Variants in FBLN2 observed in about 807,000 individuals in gnomAD.
FBLN2 encodes the protein fibulin-2.
A neutral mutation model predicts 123.7 loss-of-function variants in FBLN2; 81 were observed. The observed-to-expected ratio is 0.65, with a 90% CI of 0.55 to 0.79. The LOEUF is 0.79. Ranked by LOEUF, FBLN2 falls within the 30% of genes least tolerant of loss-of-function variation. FBLN2 has a pLI of 0.00. For missense variants in FBLN2, 1,603 were observed against 1,681.3 expected (o/e 0.95, Z 0.81); for synonymous variants, 699 against 701.4 (o/e 1.00, Z 0.05).
chr3:13,618,516 A>T (rs1207500626), intron 6 of FBLN2, among the ~76,000 whole-genome samples: 2 of 152,218 alleles, frequency 1.3e-5, no homozygotes, highest in East Asian at 3.9e-4. Context: ...CTTGTCCCAT[A>T]TTCGAGCGCA....
At chr3:13,581,187 C>T (rs1704311855) in intron 2 of FBLN2, among the ~76,000 whole-genome samples, 1 of 140,036 alleles carries the variant, frequency 7.1e-6, no homozygotes, top group African/African-American at 2.7e-5. Context: ...GGGGGCCACA[C>T]ACACGCGGGG....
intron 16 of FBLN2, among the ~76,000 whole-genome samples, chr3:13,633,644 G>C (rs1423754276): frequency 6.6e-6 from 1 of 152,230 alleles, no homozygotes; most frequent in East Asian, 1.9e-4. Flanking sequence ...AACAGGGTGG[G>C]GGGAGGCTGG....
In FBLN2 at chr3:13,637,621, T is replaced by C. The variant is rs527581681; in HGVS notation, c.3398T>C (p.Ile1133Thr). Residue 1133 changes from isoleucine to threonine, a missense_variant, in exon 18 of 18, where the codon ATC becomes ACC. Physicochemically the swap from Ile to Thr is moderately conservative, Grantham distance 89. Transcript: ENST00000404922. The part of the protein sequence containing the change: ...FLECQNSPAR[I>T]THYQLNFQTG... Reference sequence around the variant, plus strand: ...GAGTGCCAGAACTCGCCAGCGCGCATCACGCACTACCAGCTCAACTTCCAG... The same window carrying C: ...GAGTGCCAGAACTCGCCAGCGCGCACCACGCACTACCAGCTCAACTTCCAG... 63 of 1,613,914 alleles carry C rather than the reference T, an allele frequency of 3.9e-5. 3 individuals carry two copies. In the South Asian group the frequency reaches 6.8e-4, roughly 17 times the overall value.
At chr3:13,613,475 C>T (rs1705470339) in intron 4 of FBLN2, among the ~76,000 whole-genome samples, 1 of 152,212 alleles carries the variant, frequency 6.6e-6, no homozygotes, top group Non-Finnish European at 1.5e-5. Context: ...TTATCTTTAA[C>T]TTGTAGCTTC....
At chr3:13,611,302 C>T (rs567384936) in intron 4 of FBLN2, among the ~76,000 whole-genome samples, 3 of 152,254 alleles carry the variant, frequency 2.0e-5, no homozygotes, top group African/African-American at 7.2e-5. Flanking sequence ...TCGTCTGAAC[C>T]ATTTGTAAGC....
intron 2 of FBLN2, 77 bp downstream of exon 2, chr3:13,571,738 C>G: frequency 7.0e-7 from 1 of 1,428,548 alleles, no homozygotes; most frequent in Non-Finnish European, 9.3e-7. Flanking sequence ...TGCCCCAGGT[C>G]TCTGCCTGGG....
chr3:13,574,269 C>A lies in FBLN2; in HGVS notation c.1306+2608C>A, dbSNP rs560957149. ...GGGGCCCCTTTCCTGCCATGCATTCCTGGGGCCACAGGCTGTGCTGAGAGG... is the reference window on the plus strand; with the variant it reads ...GGGGCCCCTTTCCTGCCATGCATTCATGGGGCCACAGGCTGTGCTGAGAGG... On this transcript the variant is annotated intron_variant, in intron 2 of 17. Transcript: ENST00000404922. Among the ~76,000 whole-genome samples the A allele has an allele frequency of 2.6e-5, 4 of 152,350 alleles. No homozygotes were observed. The East Asian group carries it at 7.7e-4, about 29-fold the overall frequency.
At chr3:13,566,871 G>A (rs1422719478) in intron 1 of FBLN2, among the ~76,000 whole-genome samples, 1 of 152,218 alleles carries the variant, frequency 6.6e-6, no homozygotes, top group Non-Finnish European at 1.5e-5. Context: ...GCACTTATGG[G>A]CCAGATAATG....
intron 2 of FBLN2, among the ~76,000 whole-genome samples, chr3:13,593,398 A>T (rs944586779): frequency 3.4e-4 from 52 of 152,316 alleles, no homozygotes; most frequent in African/African-American, 1.2e-3. Flanking sequence ...CAATCTCAGT[A>T]CAGTCACTTT....
At chr3:13,603,458 A>G (rs1349053391) in intron 2 of FBLN2, among the ~76,000 whole-genome samples, 9 of 138,022 alleles carry the variant, frequency 6.5e-5, no homozygotes, top group Admixed American at 1.7e-4. Flanking sequence ...TCATTGTTCA[A>G]TTCCCACCTA....
intron 5 of FBLN2, among the ~76,000 whole-genome samples, chr3:13,614,681 C>G (rs1005708031): frequency 7.2e-6 from 1 of 139,618 alleles, no homozygotes; most frequent in African/African-American, 2.7e-5. Flanking sequence ...CACCTACCCA[C>G]CCATCCACCC....
intron 2 of FBLN2, among the ~76,000 whole-genome samples, chr3:13,598,191 G>A (rs916437513): frequency 1.3e-5 from 2 of 152,234 alleles, no homozygotes; most frequent in Non-Finnish European, 2.9e-5. Flanking sequence ...AATTAACTTG[G>A]AAAGTAGTCA....
chr3:13,549,142 G>C lies in FBLN2; in HGVS notation c.-108G>C. ...CCCCGCGCGCACACAGCCAGGGGCC[G>C]CCCGGGCTCTCGACGCGCCGACGGC... On this transcript the variant is annotated 5_prime_UTR_variant, in exon 1 of 18. Coordinates refer to ENST00000404922, the MANE Select transcript of FBLN2 (RefSeq NM_001004019.2). 1 of 982,604 alleles carries C rather than the reference G, an allele frequency of 1.0e-6. No individual in the cohort carries two copies. The highest frequency in any genetic ancestry group is 1.8e-5 in the African/African-American group (1 of 56,908). 60.9% of individuals were successfully genotyped at this position (982,604 alleles called of 1,614,324 possible). A position where few individuals can be genotyped will look rare whatever the true frequency, so the allele number is the denominator to read the frequency against.
At chr3:13,619,598 C>G in intron 7 of FBLN2, 132 bp from the exon 8 acceptor site, 1 of 707,858 alleles carries the variant, frequency 1.4e-6, no homozygotes, top group Non-Finnish European at 2.4e-6. Flanking sequence ...TTCCTTGTCT[C>G]CCAGCATCCC....
At chr3:13,636,250 ATT>A in intron 16 of FBLN2, among the ~76,000 whole-genome samples, 193 bp from the exon 17 acceptor site, 1 of 152,310 alleles carries the variant, frequency 6.6e-6, no homozygotes, top group South Asian at 2.1e-4. Context: ...ACATGAGGTG[ATT>A]GACACTTTAG....
At position 13,571,050 on chromosome 3, in the gene FBLN2, T is replaced by C. The variant is rs1198968953; in HGVS notation, c.695T>C (p.Leu232Pro). 6.4e-7 allele frequency: 1 copy of C among 1,561,906 alleles called. No individual in the cohort carries two copies. The highest frequency in any genetic ancestry group is 2.4e-5 in the East Asian group (1 of 41,694). ...GGCGCAGGGGGCCCCCCAGCTGCTC[T>C]GGGAGGTGGGAGTCAGCCACTGTCC... Reference protein sequence around the residue: ...QAGAGGPPAALGGGSQPLSTI... With the variant: ...QAGAGGPPAAPGGGSQPLSTI... The change falls in exon 2 of 18, where the codon CTG becomes CCG. Residue 232 changes from leucine (L) to proline (P), a missense_variant. Transcript: ENST00000404922.
At chr3:13,573,207 G>C (rs2124828273) in intron 2 of FBLN2, among the ~76,000 whole-genome samples, 1 of 151,970 alleles carries the variant, frequency 6.6e-6, no homozygotes, top group East Asian at 1.9e-4. Context: ...CCCCTCCCCA[G>C]CCTCTTCTCA....
At chr3:13,565,729 C>G (rs915158877) in intron 1 of FBLN2, among the ~76,000 whole-genome samples, 18 of 152,104 alleles carry the variant, frequency 1.2e-4, no homozygotes, top group African/African-American at 4.1e-4. Flanking sequence ...CAGTGACTGG[C>G]CCGGTGGCCT....
At chr3:13,635,576 C>T (rs1047478786) in intron 16 of FBLN2, among the ~76,000 whole-genome samples, 3 of 152,130 alleles carry the variant, frequency 2.0e-5, no homozygotes, top group Admixed American at 1.3e-4. Context: ...AACCTATGTG[C>T]CTGTTGGAGT....
Sources: allele counts gnomAD v4.1 joint callset (sites outside exome capture counted in the v4.1 genomes callset), GRCh38; gene constraint gnomAD v4.1.1; transcripts MANE v1.5; gene names NCBI Gene and HGNC (gene_info 2026-07-23, HGNC 2026-07-21).